The following TTC7B variants were observed in gnomAD, a reference collection of about 807,000 sequenced individuals.
TTC7B encodes the protein tetratricopeptide repeat protein 7B.
TTC7B carries 28 observed loss-of-function variants against 106.8 expected under a neutral mutation model. That is an observed-to-expected ratio of 0.26 (90% confidence interval 0.19 to 0.36). The LOEUF (loss-of-function observed/expected upper bound fraction) is 0.36, where lower values mean the gene tolerates loss of function less well. Among genes scored for constraint, TTC7B ranks in the 10% least tolerant of loss-of-function variants. The pLI, the probability that TTC7B is intolerant of heterozygous loss-of-function variation, is 1.00. For synonymous variants in TTC7B, 405 were observed against 430.6 expected, an observed-to-expected ratio of 0.94 and a Z score of 0.74; for missense variants, 862 against 1,076.4, an observed-to-expected ratio of 0.80 and a Z score of 2.79.
intron 15 of TTC7B, among the ~76,000 whole-genome samples, chr14:90,637,042 A>T (rs1458846951): frequency 2.6e-5 from 4 of 151,842 alleles, no homozygotes; most frequent in Admixed American, 2.6e-4. Flanking sequence ...TGAAAATGAG[A>T]ACAGAAATTC....
rs1186482872 is a variant in TTC7B at position 90,626,170 on chromosome 14, A to C, written c.1752-8125T>G. Among the ~76,000 whole-genome samples the C allele has an allele frequency of 2.0e-5, 3 of 152,220 alleles. No individual in the cohort carries two copies. In the East Asian group the frequency reaches 5.8e-4, roughly 29 times the overall value. On this transcript the variant is annotated intron_variant, in intron 15 of 19. Coordinates refer to ENST00000328459, the MANE Select transcript of TTC7B (RefSeq NM_001010854.2). ...CATGGTCTGATTTTAAAAAGAAAAA[A>C]GACTTCCCAGGGAAGAGTTCTCACA... is the stretch of plus-strand genomic sequence containing the variant.
At chr14:90,571,045 C>T (rs1445248164) in intron 19 of TTC7B, among the ~76,000 whole-genome samples, 2 of 152,052 alleles carry the variant, frequency 1.3e-5, no homozygotes, top group Admixed American at 6.5e-5. Flanking sequence ...TCTTGTTCTG[C>T]TTCTGCTCCT....
At chr14:90,682,562 C>T (rs529782958) in intron 7 of TTC7B, among the ~76,000 whole-genome samples, 5 of 152,304 alleles carry the variant, frequency 3.3e-5, no homozygotes, top group East Asian at 3.9e-4. Context: ...TCAGGGTGAA[C>T]GGGTCAAAAC....
chr14:90,768,523 C>T (rs2140023954), intron 3 of TTC7B, among the ~76,000 whole-genome samples: 1 of 152,334 alleles, frequency 6.6e-6, no homozygotes, highest in South Asian at 2.1e-4. Flanking sequence ...TCCCTCAACA[C>T]ATGGGTATTA....
chr14:90,557,747 G>T (rs1008943542), intron 19 of TTC7B, among the ~76,000 whole-genome samples: 1 of 152,264 alleles, frequency 6.6e-6, no homozygotes, highest in Non-Finnish European at 1.5e-5. Flanking sequence ...TGCCTGGGGT[G>T]TGGGGACCAC....
intron 18 of TTC7B, among the ~76,000 whole-genome samples, chr14:90,591,436 C>A (rs1891953778): frequency 6.6e-6 from 1 of 152,238 alleles, no homozygotes; most frequent in Non-Finnish European, 1.5e-5. Context: ...TCCTCCCCAA[C>A]AGTCACGGCA....
At chr14:90,553,192 A>G (rs997563917) in intron 19 of TTC7B, among the ~76,000 whole-genome samples, 1 of 152,212 alleles carries the variant, frequency 6.6e-6, no homozygotes, top group Non-Finnish European at 1.5e-5. Context: ...CCCCAGGTGC[A>G]GCACCTCTGC....
At chr14:90,784,288 T>C in intron 2 of TTC7B, among the ~76,000 whole-genome samples, 1 of 152,196 alleles carries the variant, frequency 6.6e-6, no homozygotes, top group Non-Finnish European at 1.5e-5. Flanking sequence ...CCGGGAGCGG[T>C]GGCTCACGCC....
intron 18 of TTC7B, among the ~76,000 whole-genome samples, chr14:90,587,940 T>G (rs1891786309): frequency 6.6e-6 from 1 of 152,188 alleles, no homozygotes; most frequent in African/African-American, 2.4e-5. Flanking sequence ...ATACGGGTAT[T>G]TATACCTCAT....
chr14:90,581,014 T>C (rs1891465949), intron 18 of TTC7B, among the ~76,000 whole-genome samples: 1 of 152,156 alleles, frequency 6.6e-6, no homozygotes, highest in Non-Finnish European at 1.5e-5. Flanking sequence ...CTGGTGATAT[T>C]TGTACCAACG....
rs565928709 is a variant in TTC7B, at chr14:90,581,252, A to C, written c.2108-2944T>G. Among the ~76,000 whole-genome samples the C allele has an allele frequency of 3.3e-5, 5 of 152,332 alleles. No individual in the cohort carries two copies. In the East Asian group the frequency reaches 9.7e-4, roughly 29 times the overall value. On this transcript the variant is annotated intron_variant, in intron 18 of 19. Coordinates refer to ENST00000328459, the MANE Select transcript of TTC7B (RefSeq NM_001010854.2). Reference sequence around the variant, plus strand: ...CACTGAGCCCTGAAGGTGACCGCCCAGCCATGCCTGCCTCCTGGTCTCAGA... The same window carrying C: ...CACTGAGCCCTGAAGGTGACCGCCCCGCCATGCCTGCCTCCTGGTCTCAGA...
At chr14:90,566,467 T>G (rs1261392587) in intron 19 of TTC7B, among the ~76,000 whole-genome samples, 2 of 152,166 alleles carry the variant, frequency 1.3e-5, no homozygotes, top group African/African-American at 4.8e-5. Flanking sequence ...ACAAGGTGTG[T>G]CTGTGCCTGT....
intron 4 of TTC7B, among the ~76,000 whole-genome samples, chr14:90,744,287 A>G (rs943110922): frequency 6.6e-6 from 1 of 152,072 alleles, no homozygotes; most frequent in Non-Finnish European, 1.5e-5. Flanking sequence ...CTTCACAAAC[A>G]CTGAACCATC....
At chr14:90,666,792 T>TG (rs1289881505) in intron 9 of TTC7B, among the ~76,000 whole-genome samples, 2 of 152,224 alleles carry the variant, frequency 1.3e-5, no homozygotes, top group Admixed American at 1.3e-4. Flanking sequence ...TCATTGCCTC[T>TG]GGCCACAGTG....
At chr14:90,693,554 C>T (rs958655448) in intron 6 of TTC7B, among the ~76,000 whole-genome samples, 3 of 152,128 alleles carry the variant, frequency 2.0e-5, no homozygotes, top group Non-Finnish European at 4.4e-5. Flanking sequence ...TTCTGCCTGC[C>T]TTAACAGGTG....
At chr14:90,574,965 C>T (rs1010083424) in intron 19 of TTC7B, among the ~76,000 whole-genome samples, 25 of 152,124 alleles carry the variant, frequency 1.6e-4, no homozygotes, top group Admixed American at 6.5e-4. Context: ...CTTTAAACTC[C>T]TTCTAGTCTT....
rs191772489 is a variant in TTC7B at position 90,616,648 on chromosome 14, C to T, written c.1868+1281G>A. 2.4e-3 allele frequency among the ~76,000 whole-genome samples: 361 copies of T among 152,302 alleles called. 2 individuals carry two copies. The highest frequency in any genetic ancestry group is 8.2e-3 in the African/African-American group (341 of 41,564). ...GGGTCACGGGTCTGTCTATCAGTTT[C>T]CAGGGGGTCCATCCCCTTAACAGGG... On this transcript the variant is annotated intron_variant, in intron 16 of 19. Transcript: ENST00000328459.
rs1595138953 is a variant in TTC7B, at chr14:90,537,277, C to T, written c.*4091G>A. On this transcript the variant is annotated 3_prime_UTR_variant, in exon 20 of 20. Coordinates refer to ENST00000328459, the MANE Select transcript of TTC7B (RefSeq NM_001010854.2). ...TGATCACTCACTGCAGCCTCAACCA[C>T]CTGGGCTCAAGCAATCAGCCCATCT... 1.3e-5 allele frequency: 2 copies of T among 152,276 alleles called. No homozygotes were observed. The highest frequency in any genetic ancestry group is 1.3e-4 in the Admixed American group (2 of 15,292). 9.4% of individuals were successfully genotyped at this position (152,276 alleles called of 1,614,324 possible).
intron 2 of TTC7B, 115 bp from the exon 3 acceptor site, chr14:90,781,021 G>C (rs1051456614): frequency 2.3e-6 from 2 of 888,062 alleles, no homozygotes; most frequent in African/African-American, 3.3e-5. Flanking sequence ...ACAAGAGCTT[G>C]GACGTGAATG....
Sources: gnomAD v4.1 joint callset for allele counts (sites outside exome capture counted in the v4.1 genomes callset) on GRCh38, gnomAD v4.1.1 for gene constraint, MANE v1.5 for transcripts, NCBI Gene and HGNC (gene_info 2026-07-23, HGNC 2026-07-21) for gene names.